Variants in CHN1 observed in about 807,000 individuals in gnomAD.
CHN1 encodes the protein N-chimaerin.
In CHN1, 37 loss-of-function variants were observed where a neutral mutation model predicts 59.5. The ratio of observed to expected loss-of-function variants is 0.62; its 90% confidence interval spans 0.48 to 0.82. The LOEUF (loss-of-function observed/expected upper bound fraction) is 0.82. CHN1 is among the 40% of genes least tolerant of loss of function. The pLI, the probability that CHN1 is intolerant of heterozygous loss-of-function variation, is 0.00. For synonymous variants in CHN1, 206 were observed against 200.4 expected (o/e 1.03, Z -0.24); for missense variants, 469 against 571.0 (o/e 0.82, Z 1.82).
chr2:174,964,656 A>G (rs1690538135), intron 1 of CHN1, among the ~76,000 whole-genome samples: 1 of 152,184 alleles, frequency 6.6e-6, no homozygotes, highest in Non-Finnish European at 1.5e-5. Flanking sequence ...TCCCCCTCAG[A>G]ATCCCTGTGG....
chr2:174,958,658 C>G (rs1007101471), intron 1 of CHN1, among the ~76,000 whole-genome samples: 1 of 152,158 alleles, frequency 6.6e-6, no homozygotes, highest in Non-Finnish European at 1.5e-5. Context: ...AGAAAATTTA[C>G]TACCTCTCTG....
At chr2:174,899,729 G>A (rs191690258) in intron 5 of CHN1, among the ~76,000 whole-genome samples, 50 of 152,240 alleles carry the variant, frequency 3.3e-4, no homozygotes, top group Non-Finnish European at 6.9e-4. Flanking sequence ...CAATTTTGAG[G>A]AGCTTGTCAA....
In CHN1 at chr2:174,905,800, T is replaced by C. The variant is rs184761886; in HGVS notation, c.260+9258A>G. Reference sequence around the variant, plus strand: ...GTCTCGATCTCCTGACCTCGTGATCTACCCGCTTCGGCCTCCCAAAGTGCT... The same window carrying C: ...GTCTCGATCTCCTGACCTCGTGATCCACCCGCTTCGGCCTCCCAAAGTGCT... On this transcript the variant is annotated intron_variant, in intron 5 of 12. Transcript: ENST00000409900. 1.4e-4 allele frequency among the ~76,000 whole-genome samples: 22 copies of C among 152,204 alleles called. No homozygotes were observed. In the East Asian group the frequency reaches 4.2e-3, roughly 29 times the overall value.
rs954360113 is a variant in CHN1 at position 174,832,070 on chromosome 2, A to G, written c.628-7552T>C. On this transcript the variant is annotated intron_variant, in intron 7 of 12. Coordinates refer to ENST00000409900, the MANE Select transcript of CHN1 (RefSeq NM_001822.7). ...CACAATTCTTTGAAGCTAAGTCTGC[A>G]TTAATATATTATTTCCACACAACCA... 1.5e-4 allele frequency among the ~76,000 whole-genome samples: 23 copies of G among 152,238 alleles called. No individual in the cohort carries two copies. In the South Asian group the frequency reaches 2.3e-3, roughly 15 times the overall value.
chr2:174,800,357 A>C, intron 12 of CHN1, 70 bp from the exon 13 acceptor site: 1 of 1,164,600 alleles, frequency 8.6e-7, no homozygotes, highest in Non-Finnish European at 1.1e-6. Flanking sequence ...CTTGAACACT[A>C]AAACAACAAG....
chr2:174,905,476 ACT>A (rs1322091993), intron 5 of CHN1, among the ~76,000 whole-genome samples: 1 of 152,172 alleles, frequency 6.6e-6, no homozygotes, highest in East Asian at 1.9e-4. Context: ...CTTTAAATCC[ACT>A]GTTATGTATG....
At chr2:174,923,210 G>A (rs565108824) in intron 3 of CHN1, among the ~76,000 whole-genome samples, 3 of 151,368 alleles carry the variant, frequency 2.0e-5, no homozygotes, top group South Asian at 2.1e-4. Flanking sequence ...GCTTGATCTC[G>A]GCTCACTGCA....
At chr2:174,926,208 T>G (rs999646710) in intron 3 of CHN1, among the ~76,000 whole-genome samples, 1 of 152,076 alleles carries the variant, frequency 6.6e-6, no homozygotes, top group Non-Finnish European at 1.5e-5. Flanking sequence ...TTTCATTTTT[T>G]TTTTTTTTCT....
chr2:174,852,724 A>G (rs890456679), intron 6 of CHN1, among the ~76,000 whole-genome samples: 4 of 152,356 alleles, frequency 2.6e-5, no homozygotes, highest in Admixed American at 1.3e-4. Flanking sequence ...TACTGGTACA[A>G]AAACAGACAC....
chr2:174,948,457 T>C (rs1689913159), intron 2 of CHN1, among the ~76,000 whole-genome samples: 1 of 152,188 alleles, frequency 6.6e-6, no homozygotes, highest in Non-Finnish European at 1.5e-5. Context: ...ACCGTATTTG[T>C]TTAAAAAGAG....
At chr2:174,962,109 A>AC (rs1690429372) in intron 1 of CHN1, among the ~76,000 whole-genome samples, 1 of 152,160 alleles carries the variant, frequency 6.6e-6, no homozygotes, top group African/African-American at 2.4e-5. Flanking sequence ...ACATGGTGAA[A>AC]CCCCGTCTCT....
chr2:174,801,996 T>A (rs538506526), intron 11 of CHN1, 184 bp from the exon 12 acceptor site: 1 of 476,686 alleles, frequency 2.1e-6, no homozygotes, highest in South Asian at 2.1e-5. Context: ...AGGCTCTTAG[T>A]TTCAATGTGG....
intron 1 of CHN1, among the ~76,000 whole-genome samples, chr2:174,984,050 CG>C (rs1691252839): frequency 6.7e-6 from 1 of 150,156 alleles, no homozygotes; most frequent in African/African-American, 2.4e-5. Flanking sequence ...TACTGCTCCA[CG>C]CAAGTTTTTT....
intron 6 of CHN1, among the ~76,000 whole-genome samples, chr2:174,856,864 G>C (rs144888854): frequency 3.0e-3 from 450 of 152,278 alleles, no homozygotes; most frequent in Non-Finnish European, 5.0e-3. Flanking sequence ...CCTGCTGGCT[G>C]TATCAAGTGG....
intron 7 of CHN1, among the ~76,000 whole-genome samples, chr2:174,845,772 G>A (rs1268434108): frequency 1.1e-5 from 1 of 87,962 alleles, no homozygotes; most frequent in East Asian, 3.4e-4. Flanking sequence ...AAAATGCAGA[G>A]CATATGGGTG....
intron 3 of CHN1, among the ~76,000 whole-genome samples, chr2:174,921,203 A>T (rs1442336367): frequency 2.6e-5 from 4 of 152,166 alleles, no homozygotes; most frequent in Non-Finnish European, 5.9e-5. Flanking sequence ...GGGGACACCT[A>T]ATCTATAGCA....
At chr2:174,874,142 T>C (rs1387031811) in intron 6 of CHN1, among the ~76,000 whole-genome samples, 1 of 152,226 alleles carries the variant, frequency 6.6e-6, no homozygotes, top group Admixed American at 6.5e-5. Flanking sequence ...AATTATATTA[T>C]TAAGTGTAAA....
At chr2:174,882,493 AG>A (rs751948011) in intron 5 of CHN1, among the ~76,000 whole-genome samples, 7 of 152,232 alleles carry the variant, frequency 4.6e-5, no homozygotes, top group Non-Finnish European at 8.8e-5. Flanking sequence ...TATACAGAAT[AG>A]CTTTCGGAAT....
chr2:174,910,752 T>C (rs914200358), intron 5 of CHN1, among the ~76,000 whole-genome samples: 1 of 152,080 alleles, frequency 6.6e-6, no homozygotes, highest in Admixed American at 6.5e-5. Flanking sequence ...ATATCAAAAT[T>C]AGCCGGGCGC....
Sources: gnomAD v4.1 joint callset for allele counts (sites outside exome capture counted in the v4.1 genomes callset) on GRCh38, gnomAD v4.1.1 for gene constraint, MANE v1.5 for transcripts, NCBI Gene and HGNC (gene_info 2026-07-23, HGNC 2026-07-21) for gene names.